PIEZO2: variants seen among roughly 807,000 people sequenced by gnomAD.
PIEZO2 encodes the protein piezo type mechanosensitive ion channel component 2, also known as piezo-type mechanosensitive ion channel component 2.
In PIEZO2, 172 loss-of-function variants were observed where a neutral mutation model predicts 337.3. The observed-to-expected ratio is 0.51, with a 90% CI of 0.45 to 0.58. PIEZO2 has a LOEUF of 0.58. Ranked by LOEUF, PIEZO2 falls within the 20% of genes least tolerant of loss-of-function variation. PIEZO2 has a pLI of 0.00. For synonymous variants in PIEZO2, 1,251 were observed against 1,228.5 expected, an observed-to-expected ratio of 1.02 and a Z score of -0.38; for missense variants, 3,028 against 3,391.3, an observed-to-expected ratio of 0.89 and a Z score of 2.66.
chr18:10,780,347 G>T lies in PIEZO2; in HGVS notation c.2512C>A (p.Arg838Ser), dbSNP rs907548476. The T allele has an allele frequency of 2.8e-6, 2 of 702,872 alleles. No individual in the cohort carries two copies. The highest frequency in any genetic ancestry group is 5.2e-6 in the Non-Finnish European group (2 of 384,956). 43.5% of individuals were successfully genotyped at this position (702,872 alleles called of 1,614,324 possible). Residue 838 changes from arginine to serine, a missense_variant, in exon 18 of 56, where the codon CGC (arginine) becomes AGC (serine). Transcript: ENST00000674853. ...TIYSHAKVNG[R>S]VYLIINSIKK... ...CACCTATTTATTATTAGATATACGC[G>T]ACCATTGACTTTGGCATGGCTACGA...
chr18:11,098,970 A>ATTTT (rs34896056), intron 1 of PIEZO2, among the ~76,000 whole-genome samples: 1 of 140,890 alleles, frequency 7.1e-6, no homozygotes, highest in Non-Finnish European at 1.5e-5. Context: ...TATAATTTAA[A>ATTTT]TTTTTTTTTT....
At chr18:10,911,581 C>T (rs899986384) in intron 3 of PIEZO2, among the ~76,000 whole-genome samples, 7 of 151,978 alleles carry the variant, frequency 4.6e-5, no homozygotes, top group African/African-American at 1.7e-4. Context: ...ATGGTGAAAC[C>T]CTGTCTCAAC....
Position 10,704,595 on chromosome 18 carries a change from T to C in PIEZO2, c.6057A>G (p.Arg2019=). The change falls in exon 42 of 56, where the codon CGA becomes CGG. Residue 2019 remains arginine, a synonymous_variant. Transcript: ENST00000674853. ...ACATGGCATAGAAGAGCAGCAGAAA[T>C]CGGGGCTGCCCCACGTAGAATTTCT... ...ESEKFYVGQP[R]FLLLFYAMYN... is the part of the protein sequence containing the mutation. 1.3e-6 allele frequency: 2 copies of C among 1,537,286 alleles called. No homozygotes were observed. Among genetic ancestry groups the C allele is most frequent in the South Asian group, 2.4e-5 (2 of 84,062 alleles).
intron 18 of PIEZO2, 88 bp downstream of exon 18, chr18:10,780,237 C>T (rs1162717842): frequency 1.5e-5 from 10 of 689,310 alleles, no homozygotes; most frequent in Non-Finnish European, 2.4e-5. Flanking sequence ...TCTGACAACA[C>T]GATTTTCATG....
chr18:10,920,655 G>A lies in PIEZO2; in HGVS notation c.287-9427C>T, dbSNP rs567220561. On this transcript the variant is annotated intron_variant, in intron 3 of 55. Coordinates refer to ENST00000674853, the MANE Select transcript of PIEZO2 (RefSeq NM_001378183.1). ...TTCTTTTTCTGCTACTTCAGCAAGA[G>A]TATTTAGAGACACAAGACGGCCAAT... 2.7e-4 allele frequency among the ~76,000 whole-genome samples: 41 copies of A among 152,216 alleles called. 1 individual carries two copies. The highest frequency in any genetic ancestry group is 4.7e-4 in the Non-Finnish European group (32 of 68,002).
chr18:10,975,953 A>T (rs1054978657), intron 3 of PIEZO2, among the ~76,000 whole-genome samples: 4 of 152,202 alleles, frequency 2.6e-5, no homozygotes, highest in Non-Finnish European at 4.4e-5. Flanking sequence ...AACTTTTGCT[A>T]TGTTATCTAT....
rs1272591644 is a variant in PIEZO2, at chr18:10,978,335, C to CA, written c.286+1199dup. ...TGGGTGACAGAGTGAGACTCCATCT[C>CA]AAAAAAAAAACAAAAACAAAAACAA... is the stretch of plus-strand genomic sequence containing the variant. On this transcript the variant is annotated intron_variant, in intron 3 of 55. Coordinates refer to ENST00000674853, the MANE Select transcript of PIEZO2 (RefSeq NM_001378183.1). 5.1e-3 allele frequency among the ~76,000 whole-genome samples: 700 copies of CA among 136,852 alleles called. 6 individuals carry two copies. Among genetic ancestry groups the CA allele is most frequent in the African/African-American group, 0.016 (586 of 37,400 alleles). The allele number at this position is 136,852 out of a possible 152,430, so 89.8% of individuals were successfully genotyped here. A position where few individuals can be genotyped will look rare whatever the true frequency, so the allele number is the denominator to read the frequency against.
intron 3 of PIEZO2, among the ~76,000 whole-genome samples, chr18:10,956,027 T>C (rs1014792879): frequency 2.0e-5 from 3 of 152,170 alleles, no homozygotes; most frequent in African/African-American, 7.2e-5. Context: ...GTCCTCTCTC[T>C]GCTTAAGTCC....
intron 9 of PIEZO2, 69 bp downstream of exon 9, chr18:10,803,806 C>T (rs1002452898): frequency 6.4e-5 from 96 of 1,506,974 alleles, no homozygotes; most frequent in Non-Finnish European, 8.1e-5. Flanking sequence ...TATTATAAGG[C>T]TCATATTCAA....
intron 36 of PIEZO2, among the ~76,000 whole-genome samples, chr18:10,723,355 T>C (rs1449157612): frequency 6.6e-6 from 1 of 151,998 alleles, no homozygotes; most frequent in Non-Finnish European, 1.5e-5. Flanking sequence ...TCAATTTGGA[T>C]GGAGAGCTGG....
At chr18:10,873,733 T>C (rs2042196424) in intron 4 of PIEZO2, among the ~76,000 whole-genome samples, 1 of 152,166 alleles carries the variant, frequency 6.6e-6, no homozygotes, top group Non-Finnish European at 1.5e-5. Flanking sequence ...TAGGATCTCC[T>C]AGGAATCAAT....
intron 36 of PIEZO2, among the ~76,000 whole-genome samples, chr18:10,721,046 C>T (rs1050242310): frequency 3.9e-5 from 6 of 152,156 alleles, no homozygotes; most frequent in African/African-American, 1.2e-4. Context: ...TAAAATGGAA[C>T]TTTGCAGTTT....
intron 36 of PIEZO2, among the ~76,000 whole-genome samples, chr18:10,719,273 TG>T (rs1171532475): frequency 6.6e-6 from 1 of 152,204 alleles, no homozygotes; most frequent in Non-Finnish European, 1.5e-5. Flanking sequence ...TGGTAAAGTC[TG>T]GGATTCTGGT....
rs2038979344 is a variant in PIEZO2 at position 10,781,458 on chromosome 18, A to G, written c.2493-1092T>C. On this transcript the variant is annotated intron_variant, in intron 17 of 55. Transcript: ENST00000674853. This position sits in a 1 kb window ranked among gnomAD's most constrained non-coding sequence, Gnocchi z 4.1. Reference sequence around the variant, plus strand: ...GCACTCCAGCTTGGGCAACAGAGCGAGACTCCGTTTCAAATAAAAAAAAAA... The same window carrying G: ...GCACTCCAGCTTGGGCAACAGAGCGGGACTCCGTTTCAAATAAAAAAAAAA... 7.3e-6 allele frequency among the ~76,000 whole-genome samples: 1 copy of G among 137,226 alleles called. No homozygotes were observed. Among genetic ancestry groups the G allele is most frequent in the Admixed American group, 7.7e-5 (1 of 13,062 alleles). The allele number at this position is 137,226 out of a possible 152,430, so 90.0% of individuals were successfully genotyped here. A position where few individuals can be genotyped will look rare whatever the true frequency, so the allele number is the denominator to read the frequency against.
chr18:11,142,287 A>T (rs901745909), intron 1 of PIEZO2, among the ~76,000 whole-genome samples: 1 of 152,084 alleles, frequency 6.6e-6, no homozygotes, highest in African/African-American at 2.4e-5. Flanking sequence ...ATTTAGCTAA[A>T]TTTTCTATGC....
intron 3 of PIEZO2, among the ~76,000 whole-genome samples, chr18:10,914,767 T>C (rs1375063826): frequency 6.6e-6 from 1 of 152,084 alleles, no homozygotes; most frequent in African/African-American, 2.4e-5. Flanking sequence ...CCTTTGTAGA[T>C]CCAGTATCCG....
At chr18:11,106,104 T>C (rs1476531422) in intron 1 of PIEZO2, among the ~76,000 whole-genome samples, 1 of 152,100 alleles carries the variant, frequency 6.6e-6, no homozygotes, top group Non-Finnish European at 1.5e-5. Context: ...TTTTATTTTT[T>C]TGAGACGGCA....
intron 2 of PIEZO2, among the ~76,000 whole-genome samples, chr18:11,007,304 T>C (rs1488950337): frequency 1.3e-5 from 2 of 152,220 alleles, no homozygotes; most frequent in African/African-American, 4.8e-5. Context: ...TTTGTTAACG[T>C]AAATGCTTTA....
At position 10,821,729 on chromosome 18, in the gene PIEZO2, C is replaced by T. The variant is rs2040526511; in HGVS notation, c.918-14455G>A. Among the ~76,000 whole-genome samples the T allele has an allele frequency of 6.6e-6, 1 of 152,168 alleles. No individual in the cohort carries two copies. Among genetic ancestry groups the T allele is most frequent in the Non-Finnish European group, 1.5e-5 (1 of 68,024 alleles). The stretch of plus-strand genomic sequence containing the variant: ...TACCCACAGCACCATCCTGCGCCCT[C>T]CCTGTCTCTCACCATTTACAACATA... On this transcript the variant is annotated intron_variant, in intron 7 of 55. Transcript: ENST00000674853. This position sits in a 1 kb window ranked among gnomAD's most constrained non-coding sequence, Gnocchi z 4.2.
Sources: allele counts gnomAD v4.1 joint callset (sites outside exome capture counted in the v4.1 genomes callset), GRCh38; gene constraint gnomAD v4.1.1; non-coding constraint Gnocchi (gnomAD v3.1); transcripts MANE v1.5; gene names NCBI Gene and HGNC (gene_info 2026-07-23, HGNC 2026-07-21).